Variants in BLK observed in about 807,000 individuals in gnomAD.
The protein encoded by BLK is BLK proto-oncogene, Src family tyrosine kinase.
Under a neutral mutation model 61.8 loss-of-function variants are expected in BLK, and 64 were observed. The observed-to-expected ratio is 1.03, with a 90% CI of 0.85 to 1.27. The LOEUF (loss-of-function observed/expected upper bound fraction) is 1.27, where lower values mean the gene tolerates loss of function less well. Among genes scored for constraint, BLK ranks in the 50% most tolerant of loss-of-function variants. The pLI is 0.00. For synonymous variants in BLK, 351 were observed against 272.0 expected, an observed-to-expected ratio of 1.29 and a Z score of -2.86; for missense variants, 853 against 660.5, an observed-to-expected ratio of 1.29 and a Z score of -3.19.
chr8:11,507,320 A>C (rs1182164081), intron 1 of BLK, among the ~76,000 whole-genome samples: 2 of 152,186 alleles, frequency 1.3e-5, no homozygotes, highest in Non-Finnish European at 2.9e-5. Context: ...CTACCTTCCC[A>C]CCTTGGCAAA....
At chr8:11,558,280 C>A (rs1347039740) in intron 10 of BLK, among the ~76,000 whole-genome samples, 3 of 152,166 alleles carry the variant, frequency 2.0e-5, no homozygotes, top group Non-Finnish European at 4.4e-5. Context: ...GCCTTAGACC[C>A]GGGCTGCTGT....
At chr8:11,533,428 A>C (rs989877601) in intron 1 of BLK, among the ~76,000 whole-genome samples, 3 of 152,064 alleles carry the variant, frequency 2.0e-5, no homozygotes, top group African/African-American at 7.2e-5. Flanking sequence ...CAAAGGATTG[A>C]ATGATGTCCA....
chr8:11,540,658 T>A (rs746027477), intron 1 of BLK, among the ~76,000 whole-genome samples: 11 of 152,016 alleles, frequency 7.2e-5, no homozygotes, highest in Non-Finnish European at 1.6e-4. Flanking sequence ...AAATTAAAGA[T>A]CTATAAACCA....
chr8:11,535,291 A>AGAAC (rs1800078133), intron 1 of BLK, among the ~76,000 whole-genome samples: 1 of 145,362 alleles, frequency 6.9e-6, no homozygotes, highest in Non-Finnish European at 1.5e-5. Context: ...AAAGAAAGAA[A>AGAAC]GAAAGAAAGA....
chr8:11,555,152 C>T (rs564415602), intron 7 of BLK, among the ~76,000 whole-genome samples, 180 bp from the exon 8 acceptor site: 2 of 152,248 alleles, frequency 1.3e-5, no homozygotes, highest in African/African-American at 4.8e-5. Flanking sequence ...ATAGCATGCC[C>T]TGCTTTGCGC....
intron 1 of BLK, among the ~76,000 whole-genome samples, chr8:11,515,924 T>C (rs1439430794): frequency 6.6e-6 from 1 of 152,226 alleles, no homozygotes; most frequent in Non-Finnish European, 1.5e-5. Flanking sequence ...GCATTGCCTG[T>C]AGGAAAGGCT....
At chr8:11,560,784 GC>G (rs1240212803) in intron 10 of BLK, 3 of 447,462 alleles carry the variant, frequency 6.7e-6, no homozygotes, top group Non-Finnish European at 1.4e-5. Context: ...TCAACCCCCT[GC>G]CCTGGAGACC....
chr8:11,542,782 C>T (rs1800444396), intron 1 of BLK, among the ~76,000 whole-genome samples: 1 of 152,240 alleles, frequency 6.6e-6, no homozygotes, highest in African/African-American at 2.4e-5. Context: ...AACAAAGCCC[C>T]TGCTGTTTAC....
rs540629012 is a variant in BLK at position 11,557,875 on chromosome 8, T to G, written c.953-87T>G. 1,494 of 1,214,134 alleles carry G rather than the reference T, an allele frequency of 1.2e-3. 12 individuals carry two copies. In the African/African-American group the frequency reaches 0.02, roughly 17 times the overall value. 75.2% of individuals were successfully genotyped at this position (1,214,134 alleles called of 1,614,324 possible). A position where few individuals can be genotyped will look rare whatever the true frequency, so the allele number is the denominator to read the frequency against. On this transcript the variant is annotated intron_variant, in intron 9 of 12. Coordinates refer to ENST00000259089, the MANE Select transcript of BLK (RefSeq NM_001715.3). ...TGCAAACTCCCACTTCCCGCGCCCA[T>G]GGGGAGCCACTCACACCAGAGAGAG...
intron 5 of BLK, 87 bp downstream of exon 5, chr8:11,549,209 G>A (rs924778654): frequency 9.0e-6 from 11 of 1,221,488 alleles, no homozygotes; most frequent in South Asian, 1.3e-5. Context: ...GGCCAGAGTG[G>A]GACTGACCAG....
intron 2 of BLK, among the ~76,000 whole-genome samples, chr8:11,543,613 G>A (rs1044143033): frequency 2.6e-5 from 4 of 152,284 alleles, no homozygotes; most frequent in African/African-American, 7.2e-5. Context: ...AGAGGGTGTC[G>A]TAAGGAAGGA....
intron 1 of BLK, among the ~76,000 whole-genome samples, chr8:11,506,909 A>G (rs1798791149): frequency 6.6e-6 from 1 of 152,210 alleles, no homozygotes; most frequent in Non-Finnish European, 1.5e-5. Context: ...CACGGGCTGA[A>G]AGATCTGCAT....
chr8:11,550,719 G>A (rs1270376243), intron 6 of BLK, among the ~76,000 whole-genome samples: 1 of 152,246 alleles, frequency 6.6e-6, no homozygotes, highest in East Asian at 1.9e-4. Flanking sequence ...GGTGGTAATT[G>A]AGGGGAGCCC....
intron 1 of BLK, among the ~76,000 whole-genome samples, chr8:11,535,204 A>T (rs1299590695): frequency 6.5e-5 from 8 of 123,512 alleles, no homozygotes; most frequent in Admixed American, 6.2e-4. Flanking sequence ...AGAAGGAAAG[A>T]AAGAAAGAAA....
intron 1 of BLK, among the ~76,000 whole-genome samples, chr8:11,524,515 A>G (rs1339607912): frequency 1.3e-5 from 2 of 152,238 alleles, no homozygotes. Flanking sequence ...AGGGAACTAC[A>G]TACTTCCATA....
At chr8:11,532,465 C>A (rs1048940043) in intron 1 of BLK, among the ~76,000 whole-genome samples, 1 of 151,778 alleles carries the variant, frequency 6.6e-6, no homozygotes, top group Admixed American at 6.6e-5. Context: ...CCTGCCTTGG[C>A]CTCCTAAAGT....
intron 11 of BLK, among the ~76,000 whole-genome samples, chr8:11,562,687 G>A (rs972613938): frequency 5.3e-5 from 8 of 152,256 alleles, no homozygotes; most frequent in African/African-American, 1.4e-4. Context: ...AGGTGGAAAC[G>A]TGGTGGCTGC....
At chr8:11,535,304 G>GAAAGAAAGAAAGAAAGAAAA (rs1260042544) in intron 1 of BLK, among the ~76,000 whole-genome samples, 1 of 144,208 alleles carries the variant, frequency 6.9e-6, no homozygotes, top group African/African-American at 2.5e-5. Flanking sequence ...AAGAAAGAAA[G>GAAAGAAAGAAAGAAAGAAAA]AAAGAAAGAA....
At chr8:11,550,723 G>A (rs1204557940) in intron 6 of BLK, among the ~76,000 whole-genome samples, 1 of 152,258 alleles carries the variant, frequency 6.6e-6, no homozygotes, top group African/African-American at 2.4e-5. Context: ...GTAATTGAGG[G>A]GAGCCCATGC....
Sources: gnomAD v4.1 joint callset for allele counts (sites outside exome capture counted in the v4.1 genomes callset) on GRCh38, gnomAD v4.1.1 for gene constraint, MANE v1.5 for transcripts, NCBI Gene and HGNC (gene_info 2026-07-23, HGNC 2026-07-21) for gene names.